KLK12: variants seen among roughly 807,000 people sequenced by gnomAD.
The protein encoded by KLK12 is kallikrein-12.
Under a neutral mutation model 20.0 loss-of-function variants are expected in KLK12, and 23 were observed. That is an observed-to-expected ratio of 1.15 (90% CI 0.83 to 1.63). KLK12 has a LOEUF of 1.63. Among genes scored for constraint, KLK12 ranks in the 40% most tolerant of loss-of-function variants. KLK12 has a pLI of 0.00. For synonymous variants in KLK12, 147 were observed against 141.9 expected (o/e 1.04, Z -0.25); for missense variants, 351 against 338.6 (o/e 1.04, Z -0.29).
intron 4 of KLK12, 160 bp downstream of exon 4, chr19:51,031,716 T>C (rs1436894101): frequency 5.8e-6 from 5 of 865,482 alleles, no homozygotes; most frequent in Non-Finnish European, 9.5e-6. Flanking sequence ...AAGACCCCAA[T>C]CCACCATAAT....
intron 3 of KLK12, 34 bp from the exon 4 acceptor site, chr19:51,032,169 A>C (rs2091566323): frequency 6.4e-7 from 1 of 1,566,452 alleles, no homozygotes; most frequent in South Asian, 1.2e-5. Context: ...GGTGGCAGGC[A>C]CGCAGTCCCC....
chr19:51,032,196 ACGGACACTCAGGCGCTCC>A, intron 3 of KLK12, 61 bp from the exon 4 acceptor site: 1 of 1,468,754 alleles, frequency 6.8e-7, no homozygotes, highest in Non-Finnish European at 8.9e-7. Context: ...GCACCCCTCC[ACGGACACTCAGGCGCTCC>A]TGCCGCTCCC....
intron 3 of KLK12, among the ~76,000 whole-genome samples, chr19:51,032,384 T>TC (rs1431549766): frequency 1.0e-4 from 14 of 140,662 alleles, no homozygotes; most frequent in Non-Finnish European, 2.0e-4. Context: ...CTCTCTCCTT[T>TC]TTTTTTTTTT....
chr19:51,031,387 T>C (rs746668559), intron 4 of KLK12, among the ~76,000 whole-genome samples: 15 of 151,926 alleles, frequency 9.9e-5, no homozygotes, highest in Non-Finnish European at 2.1e-4. Flanking sequence ...TCCTAGTTTA[T>C]TGGGCCCCAG....
chr19:51,034,811 CTCTT>C lies in KLK12; in HGVS notation c.-29_-26del. ...GTCGCCTACCTCCTTCTCACCTTGT[CTCTT>C]TGTCTGCCAGATCCTCTACGTGGCT... On this transcript the variant is annotated 5_prime_UTR_variant, in exon 1 of 6. Transcript: ENST00000684732. The C allele has an allele frequency of 6.8e-7, 1 of 1,465,016 alleles. No homozygotes were observed. The highest frequency in any genetic ancestry group is 1.4e-5 in the South Asian group (1 of 71,926). The allele number at this position is 1,465,016 out of a possible 1,614,324, so 90.8% of individuals were successfully genotyped here.
rs2091521862 is a variant in KLK12, at chr19:51,029,129, C to T, written c.*173G>A. The T allele has an allele frequency of 1.9e-6, 3 of 1,611,538 alleles. No homozygotes were observed. The highest frequency in any genetic ancestry group is 2.7e-5 in the African/African-American group (2 of 74,972). ...TTTATATTTATTCCAGACTATTGCA[C>T]ACTTCTCTCACCCCGCTCGTGGGTC... On this transcript the variant is annotated 3_prime_UTR_variant, in exon 6 of 6. Transcript: ENST00000684732.
At position 51,029,338 on chromosome 19, in the gene KLK12, A is replaced by G; in HGVS notation, c.711T>C (p.Tyr237=). The change falls in exon 6 of 6, where the codon TAT becomes TAC. Residue 237 remains tyrosine (Y), a synonymous_variant. Transcript: ENST00000684732. ...IPGVYTYICK[Y]VDWIRMIMRN... ...TCATGATCATCCGGATCCAGTCCAC[A>G]TACTTGCAAATATAGGTGTAGACTC... The G allele has an allele frequency of 6.2e-7, 1 of 1,614,104 alleles. No individual in the cohort carries two copies. Among genetic ancestry groups the G allele is most frequent in the Non-Finnish European group, 8.5e-7 (1 of 1,180,028 alleles).
intron 5 of KLK12, 94 bp downstream of exon 5, chr19:51,030,694 C>T: frequency 1.3e-6 from 2 of 1,537,658 alleles, no homozygotes; most frequent in Non-Finnish European, 1.8e-6. Context: ...ATCCCCTTTC[C>T]CTGATTCATC....
At chr19:51,034,260 G>C in intron 2 of KLK12, 121 bp from the exon 3 acceptor site, 3 of 1,231,340 alleles carry the variant, frequency 2.4e-6, no homozygotes, top group Non-Finnish European at 3.4e-6. Context: ...ACGAGAAAGA[G>C]AGAGAAAGAG....
At chr19:51,034,733 A>C (rs1228847906) in intron 1 of KLK12, 73 bp downstream of exon 1, 35 of 1,544,412 alleles carry the variant, frequency 2.3e-5, no homozygotes, top group Non-Finnish European at 2.9e-5. Flanking sequence ...CAAGGGGATG[A>C]CCTGCTTGTC....
intron 3 of KLK12, 54 bp from the exon 4 acceptor site, chr19:51,032,189 C>A (rs1213934769): frequency 2.7e-6 from 4 of 1,491,956 alleles, no homozygotes; most frequent in Non-Finnish European, 3.5e-6. Context: ...CCACCTTGCA[C>A]CCCTCCACGG....
chr19:51,030,968 T>G (rs1281170211), intron 4 of KLK12, 47 bp from the exon 5 acceptor site: 1 of 1,612,726 alleles, frequency 6.2e-7, no homozygotes. Context: ...ATCTCCCCAC[T>G]TTGAGGCCAC....
chr19:51,032,822 T>A (rs527766457), intron 3 of KLK12, among the ~76,000 whole-genome samples: 32 of 152,186 alleles, frequency 2.1e-4, no homozygotes, highest in Non-Finnish European at 3.5e-4. Flanking sequence ...GGGTTCATGA[T>A]TGAACGAGTG....
chr19:51,030,840 A>G lies in KLK12; in HGVS notation c.539T>C (p.Ile180Thr). 1 of 1,614,044 alleles carries G rather than the reference A, an allele frequency of 6.2e-7. No homozygotes were observed. The highest frequency in any genetic ancestry group is 8.5e-7 in the Non-Finnish European group (1 of 1,180,016). Residue 180 changes from isoleucine to threonine, a missense_variant, in exon 5 of 6, where the codon ATC becomes ACC. Coordinates refer to ENST00000684732, the MANE Select transcript of KLK12 (RefSeq NM_001370125.1). ...GCCTGCACACACCATGTTGCTCGTG[A>G]TTCTCCCGGGATACACACCATGGCA... ...ATCHGVYPGRITSNMVCAGGV... is the reference protein window; with the variant it reads ...ATCHGVYPGRTTSNMVCAGGV...
In KLK12 at chr19:51,033,998, G is replaced by T. The variant is rs183006683; in HGVS notation, c.179C>A (p.Ala60Glu). The T allele has an allele frequency of 3.7e-6, 6 of 1,611,628 alleles. No homozygotes were observed. Among genetic ancestry groups the T allele is most frequent in the East Asian group, 2.2e-5 (1 of 44,822 alleles). ...VLIDHRWVLTAAHCSGSRYWV... is the reference protein window; with the variant it reads ...VLIDHRWVLTEAHCSGSRYWV... ...GACTTACCTGCCGCTGCAGTGAGCC[G>T]CTGTGAGGACCCACCTGTGGTCAAT... The change falls in exon 3 of 6, where the codon GCG becomes GAG. Residue 60 changes from alanine (A) to glutamate (E), a missense_variant. Ala to Glu is a moderately radical substitution (Grantham distance 107). Transcript: ENST00000684732.
intron 5 of KLK12, among the ~76,000 whole-genome samples, chr19:51,029,848 A>G (rs934661577): frequency 6.6e-6 from 1 of 152,024 alleles, no homozygotes. Flanking sequence ...AGAGAACACT[A>G]TTATCAATGA....
chr19:51,031,713 C>G, intron 4 of KLK12, 163 bp downstream of exon 4: 2 of 858,364 alleles, frequency 2.3e-6, no homozygotes, highest in South Asian at 2.9e-5. Flanking sequence ...CCCAAGACCC[C>G]AATCCACCAT....
chr19:51,034,257 A>T, intron 2 of KLK12, 118 bp from the exon 3 acceptor site: 1 of 1,218,538 alleles, frequency 8.2e-7, no homozygotes, highest in Non-Finnish European at 1.2e-6. Flanking sequence ...GAGACGAGAA[A>T]GAGAGAGAAA....
chr19:51,029,592 T>C, intron 5 of KLK12, 135 bp from the exon 6 acceptor site: 1 of 731,534 alleles, frequency 1.4e-6, no homozygotes, highest in Non-Finnish European at 2.4e-6. Context: ...ATAATCACTT[T>C]CCCGGAGGAC....
Sources: allele counts gnomAD v4.1 joint callset (sites outside exome capture counted in the v4.1 genomes callset), GRCh38; gene constraint gnomAD v4.1.1; transcripts MANE v1.5; gene names NCBI Gene and HGNC (gene_info 2026-07-23, HGNC 2026-07-21).